The following DPYSL4 variants were observed in gnomAD, a reference collection of about 807,000 sequenced individuals.
DPYSL4 encodes dihydropyrimidinase-related protein 4.
In DPYSL4, 43 loss-of-function variants were observed where a neutral mutation model predicts 63.4. That is an observed-to-expected ratio of 0.68 (90% confidence interval 0.53 to 0.88). The LOEUF (loss-of-function observed/expected upper bound fraction) is 0.88. DPYSL4 is among the 40% of genes least tolerant of loss of function. DPYSL4 has a pLI of 0.00. For missense variants in DPYSL4, 733 were observed against 819.5 expected (o/e 0.89, Z 1.29); for synonymous variants, 353 against 331.7 (o/e 1.06, Z -0.70).
intron 1 of DPYSL4, among the ~76,000 whole-genome samples, chr10:132,190,176 G>C (rs927246411): frequency 2.0e-5 from 3 of 152,276 alleles, no homozygotes; most frequent in Non-Finnish European, 2.9e-5. Flanking sequence ...CTGTGCACGT[G>C]TGTTTTTGCT....
intron 10 of DPYSL4, 141 bp downstream of exon 10, chr10:132,201,124 CCCCACCCAGGGCG>C: frequency 7.8e-7 from 1 of 1,284,930 alleles, no homozygotes. Context: ...GTGGCGGATT[CCCCACCCAGGGCG>C]CCTCAGACAC....
At chr10:132,197,421 T>C (rs1461605987) in intron 6 of DPYSL4, among the ~76,000 whole-genome samples, 1 of 152,204 alleles carries the variant, frequency 6.6e-6, no homozygotes, top group African/African-American at 2.4e-5. Flanking sequence ...GGGTACCCGC[T>C]GGGGGTTGGG....
Position 132,198,884 on chromosome 10 carries a change from A to G in DPYSL4, c.724A>G (p.Ile242Val). Reference sequence around the variant, plus strand: ...TGAGGCGGTGTACCGAGCTGTCACCATCGCCAAGCAGGCAAACTGCCCGCT... The same window carrying G: ...TGAGGCGGTGTACCGAGCTGTCACCGTCGCCAAGCAGGCAAACTGCCCGCT... Reference protein sequence around the residue: ...EAEAVYRAVTIAKQANCPLYV... With the variant: ...EAEAVYRAVTVAKQANCPLYV... Residue 242 changes from isoleucine to valine, a missense_variant, in exon 8 of 14, where the codon ATC becomes GTC. Coordinates refer to ENST00000338492, the MANE Select transcript of DPYSL4 (RefSeq NM_006426.3). The G allele has an allele frequency of 6.2e-7, 1 of 1,612,978 alleles. No individual in the cohort carries two copies. Among genetic ancestry groups the G allele is most frequent in the East Asian group, 2.2e-5 (1 of 44,882 alleles).
Position 132,196,752 on chromosome 10 carries a change from C to CTTCCTCCA in DPYSL4, c.479-109_479-108insTTCCTCCA, listed in dbSNP as rs576027367. 3.5e-4 allele frequency: 441 copies of CTTCCTCCA among 1,264,044 alleles called. 4 individuals are homozygous for CTTCCTCCA. In the South Asian group the frequency reaches 5.3e-3, roughly 15 times the overall value. The allele number at this position is 1,264,044 out of a possible 1,614,324, so 78.3% of individuals were successfully genotyped here. A position where few individuals can be genotyped will look rare whatever the true frequency, so the allele number is the denominator to read the frequency against. On this transcript the variant is annotated intron_variant, in intron 4 of 13. Coordinates refer to ENST00000338492, the MANE Select transcript of DPYSL4 (RefSeq NM_006426.3). ...TGGCAAGCCAGTGAGGGAAGCACTGCGGGGGAGGGGCCCAAGACCCCCAAC... is the reference window on the plus strand; with the variant it reads ...TGGCAAGCCAGTGAGGGAAGCACTGCTTCCTCCAGGGGGAGGGGCCCAAGACCCCCAAC...
rs1181146856 is a variant in DPYSL4 at position 132,198,837 on chromosome 10, C to T, written c.691-14C>T. On this transcript the variant is annotated splice_polypyrimidine_tract_variant and intron_variant, in intron 7 of 13. Coordinates refer to ENST00000338492, the MANE Select transcript of DPYSL4 (RefSeq NM_006426.3). ...GGCCCTCGTGTGGCCTCATCCCTCT[C>T]ATCTCGTCCCCAGGTGGAGGCTGAG... 3 of 1,612,574 alleles carry T rather than the reference C, an allele frequency of 1.9e-6. No homozygotes were observed. Among genetic ancestry groups the T allele is most frequent in the South Asian group, 2.2e-5 (2 of 91,038 alleles).
At chr10:132,203,595 G>GC in intron 12 of DPYSL4, 167 bp from the exon 13 acceptor site, 2 of 630,432 alleles carry the variant, frequency 3.2e-6, no homozygotes, top group Non-Finnish European at 5.4e-6. Context: ...CTTGGGTTGA[G>GC]CACCCCCCCA....
chr10:132,204,846 G>C lies in DPYSL4; in HGVS notation c.1635G>C (p.Gln545His). 1.9e-6 allele frequency: 3 copies of C among 1,610,436 alleles called. No homozygotes were observed. Among genetic ancestry groups the C allele is most frequent in the Non-Finnish European group, 2.5e-6 (3 of 1,178,118 alleles). The change falls in exon 14 of 14, where the codon CAG becomes CAC. Residue 545 changes from glutamine to histidine, a missense_variant. Coordinates refer to ENST00000338492, the MANE Select transcript of DPYSL4 (RefSeq NM_006426.3). ...HQSGFSLSGSQADDHIARRTA... is the reference protein window; with the variant it reads ...HQSGFSLSGSHADDHIARRTA... ...TCTGTGCCCTTTCTTCAGGGTCTCA[G>C]GCTGATGACCACATCGCCCGACGCA...
intron 3 of DPYSL4, among the ~76,000 whole-genome samples, chr10:132,193,727 TAAA>T (rs1185911418): frequency 6.6e-6 from 1 of 152,352 alleles, no homozygotes; most frequent in South Asian, 2.1e-4. Flanking sequence ...TGTTGATCTG[TAAA>T]ACAGAACACT....
At chr10:132,194,236 G>A (rs971309624) in intron 3 of DPYSL4, among the ~76,000 whole-genome samples, 4 of 152,264 alleles carry the variant, frequency 2.6e-5, no homozygotes, top group Non-Finnish European at 5.9e-5. Context: ...CCTGGCGGGT[G>A]CGCCCTCCTG....
At chr10:132,203,997 G>A (rs2062059869) in intron 13 of DPYSL4, 70 bp downstream of exon 13, 1 of 1,533,486 alleles carries the variant, frequency 6.5e-7, no homozygotes, top group African/African-American at 1.4e-5. Flanking sequence ...CAGGTACCAG[G>A]GCCCAGCCTG....
chr10:132,203,597 A>AC (rs910847598), intron 12 of DPYSL4, 165 bp from the exon 13 acceptor site: 39 of 625,646 alleles, frequency 6.2e-5, no homozygotes, highest in Admixed American at 1.2e-4. Flanking sequence ...TGGGTTGAGC[A>AC]CCCCCCCAGG....
In DPYSL4 at chr10:132,201,935, T is replaced by G; in HGVS notation, c.1111-11T>G. The G allele has an allele frequency of 6.2e-7, 1 of 1,608,046 alleles. No homozygotes were observed. The highest frequency in any genetic ancestry group is 1.3e-5 in the African/African-American group (1 of 74,938). On this transcript the variant is annotated splice_polypyrimidine_tract_variant and intron_variant, in intron 10 of 13. Coordinates refer to ENST00000338492, the MANE Select transcript of DPYSL4 (RefSeq NM_006426.3). ...ACCCGTCGCCCTCAGCTCAGCCTTC[T>G]TGTTCCCCAGGCCTCTGGGAAGATG...
chr10:132,196,519 G>A (rs911867665), intron 4 of DPYSL4, among the ~76,000 whole-genome samples: 2 of 152,248 alleles, frequency 1.3e-5, no homozygotes, highest in African/African-American at 2.4e-5. Flanking sequence ...TGGAACCCAG[G>A]CCGAGAGCCC....
At chr10:132,193,861 C>T (rs2061907730) in intron 3 of DPYSL4, among the ~76,000 whole-genome samples, 1 of 152,234 alleles carries the variant, frequency 6.6e-6, no homozygotes, top group South Asian at 2.1e-4. Context: ...TTAGCCATTA[C>T]CAAATCACAG....
intron 9 of DPYSL4, 64 bp from the exon 10 acceptor site, chr10:132,200,778 G>A (rs2062003694): frequency 6.4e-7 from 1 of 1,574,512 alleles, no homozygotes; most frequent in African/African-American, 1.3e-5. Flanking sequence ...CAAGGGGGCT[G>A]GAGCTGACCT....
intron 2 of DPYSL4, 58 bp downstream of exon 2, chr10:132,190,893 G>T: frequency 1.3e-6 from 2 of 1,525,938 alleles, no homozygotes; most frequent in Non-Finnish European, 1.8e-6. Flanking sequence ...CGCTGGTCAC[G>T]TGGTATCCAG....
chr10:132,204,934 C>T lies in DPYSL4; in HGVS notation c.*4C>T. The T allele has an allele frequency of 6.2e-7, 1 of 1,605,962 alleles. No homozygotes were observed. Among genetic ancestry groups the T allele is most frequent in the Non-Finnish European group, 8.5e-7 (1 of 1,175,512 alleles). On this transcript the variant is annotated 3_prime_UTR_variant, in exon 14 of 14. Coordinates refer to ENST00000338492, the MANE Select transcript of DPYSL4 (RefSeq NM_006426.3). The stretch of plus-strand genomic sequence containing the variant: ...CAACATCACCTCTCTCTCCTAGACG[C>T]CCAGGACCGGCCCTGTGAGCCGTGC...
intron 6 of DPYSL4, among the ~76,000 whole-genome samples, chr10:132,197,704 C>T (rs2061963678): frequency 2.0e-5 from 3 of 152,238 alleles, no homozygotes; most frequent in Admixed American, 6.5e-5. Flanking sequence ...ACTGCAAACC[C>T]ACAGTGAGAC....
chr10:132,203,594 A>G (rs931602601), intron 12 of DPYSL4, 168 bp from the exon 13 acceptor site: 102 of 625,620 alleles, frequency 1.6e-4, no homozygotes, highest in African/African-American at 1.6e-3. Context: ...ACTTGGGTTG[A>G]GCACCCCCCC....
Sources: allele counts gnomAD v4.1 joint callset (sites outside exome capture counted in the v4.1 genomes callset), GRCh38; gene constraint gnomAD v4.1.1; transcripts MANE v1.5; gene names NCBI Gene and HGNC (gene_info 2026-07-23, HGNC 2026-07-21).